The following PTPRG variants were observed in gnomAD, a reference collection of about 807,000 sequenced individuals.
PTPRG encodes the protein protein tyrosine phosphatase receptor type G, also known as receptor-type tyrosine-protein phosphatase gamma.
In PTPRG, 102 loss-of-function variants were observed where a neutral mutation model predicts 165.3. The observed-to-expected ratio is 0.62, with a 90% confidence interval of 0.53 to 0.73. The LOEUF (loss-of-function observed/expected upper bound fraction) is 0.73. Ranked by LOEUF, PTPRG falls within the 30% of genes least tolerant of loss-of-function variation. The pLI, the probability that PTPRG is intolerant of heterozygous loss-of-function variation, is 0.00. For missense variants in PTPRG, 1,866 were observed against 1,861.4 expected (o/e 1.00, Z -0.05); for synonymous variants, 675 against 669.5 (o/e 1.01, Z -0.13).
rs1348865145 is a variant in PTPRG at position 62,190,772 on chromosome 3, G to A, written c.1034-697G>A. On this transcript the variant is annotated intron_variant, in intron 8 of 29. Coordinates refer to ENST00000474889, the MANE Select transcript of PTPRG (RefSeq NM_002841.4). This position sits in a 1 kb window ranked among gnomAD's most constrained non-coding sequence, Gnocchi z 5.2. ...GCACACTCCACCAGTCCAACGGCCT[G>A]GCTTCTTCAAAACGTCCATCATGAA... 6.6e-6 allele frequency among the ~76,000 whole-genome samples: 1 copy of A among 152,188 alleles called. No homozygotes were observed. The highest frequency in any genetic ancestry group is 1.5e-5 in the Non-Finnish European group (1 of 68,046).
chr3:61,853,291 A>G (rs2037016532), intron 2 of PTPRG, among the ~76,000 whole-genome samples: 1 of 152,174 alleles, frequency 6.6e-6, no homozygotes, highest in Non-Finnish European at 1.5e-5. Context: ...AGTCTTGTTA[A>G]ACAAAGAGAG....
intron 4 of PTPRG, among the ~76,000 whole-genome samples, chr3:62,019,678 G>A (rs1293191556): frequency 2.0e-5 from 3 of 152,058 alleles, no homozygotes; most frequent in Non-Finnish European, 2.9e-5. Context: ...TGGTAAGTAC[G>A]GGAGGTGATG....
intron 2 of PTPRG, among the ~76,000 whole-genome samples, chr3:61,973,647 C>T (rs1034280216): frequency 2.6e-5 from 4 of 151,944 alleles, no homozygotes; most frequent in African/African-American, 7.3e-5. Flanking sequence ...GCCTGGCCAA[C>T]GTGGTGAAAC....
chr3:61,802,626 A>G (rs2035283669), intron 2 of PTPRG, among the ~76,000 whole-genome samples: 2 of 152,184 alleles, frequency 1.3e-5, no homozygotes, highest in Non-Finnish European at 2.9e-5. Flanking sequence ...AATTATGTCC[A>G]TTCTTTCATT....
chr3:61,678,092 T>A (rs889409619), intron 1 of PTPRG, among the ~76,000 whole-genome samples: 16 of 152,138 alleles, frequency 1.1e-4, no homozygotes, highest in African/African-American at 3.6e-4. Flanking sequence ...GTGCCGTGAA[T>A]GAGGGGCTGT....
chr3:61,785,469 A>G (rs1329179809), intron 2 of PTPRG, among the ~76,000 whole-genome samples: 1 of 152,198 alleles, frequency 6.6e-6, no homozygotes, highest in Non-Finnish European at 1.5e-5. Flanking sequence ...AGGCTAATTA[A>G]AGACCTTCCC....
chr3:61,574,060 T>G (rs1700124017), intron 1 of PTPRG, among the ~76,000 whole-genome samples: 1 of 152,128 alleles, frequency 6.6e-6, no homozygotes, highest in South Asian at 2.1e-4. Flanking sequence ...GTGGAATAAT[T>G]TAAGCTAAAT....
chr3:61,759,409 C>G (rs2033754650), intron 2 of PTPRG, among the ~76,000 whole-genome samples: 1 of 152,120 alleles, frequency 6.6e-6, no homozygotes. Flanking sequence ...AATCTCAACA[C>G]TTTGGAAGGC....
chr3:61,677,218 G>A (rs1426285588), intron 1 of PTPRG, among the ~76,000 whole-genome samples: 2 of 147,722 alleles, frequency 1.4e-5, no homozygotes, highest in African/African-American at 2.5e-5. Flanking sequence ...GCACTCCAGC[G>A]TGGGTGACAG....
At chr3:61,897,363 T>G (rs1382513318) in intron 2 of PTPRG, among the ~76,000 whole-genome samples, 1 of 152,146 alleles carries the variant, frequency 6.6e-6, no homozygotes, top group Non-Finnish European at 1.5e-5. Context: ...ATTCTTCCAT[T>G]AATTTTATAT....
At chr3:62,008,435 AG>A (rs887414589) in intron 4 of PTPRG, among the ~76,000 whole-genome samples, 1 of 152,236 alleles carries the variant, frequency 6.6e-6, no homozygotes, top group African/African-American at 2.4e-5. Flanking sequence ...TTCTGGTAAA[AG>A]TCACAGCTGG....
At chr3:61,580,214 G>C (rs1433090841) in intron 1 of PTPRG, among the ~76,000 whole-genome samples, 6 of 152,232 alleles carry the variant, frequency 3.9e-5, no homozygotes, top group Non-Finnish European at 1.5e-5. Context: ...GGCTGAGGCA[G>C]GAGGATTGTC....
At chr3:61,571,287 A>C (rs1351643762) in intron 1 of PTPRG, among the ~76,000 whole-genome samples, 2 of 152,152 alleles carry the variant, frequency 1.3e-5, no homozygotes, top group Non-Finnish European at 2.9e-5. Context: ...GGTGACTGTA[A>C]TATGTTTCTC....
intron 2 of PTPRG, among the ~76,000 whole-genome samples, chr3:61,812,387 T>G (rs1486861180): frequency 6.6e-6 from 1 of 152,210 alleles, no homozygotes; most frequent in African/African-American, 2.4e-5. Context: ...ATTTTTCTTT[T>G]GTATGTAATA....
At chr3:62,059,639 A>C (rs950948776) in intron 4 of PTPRG, among the ~76,000 whole-genome samples, 1 of 152,148 alleles carries the variant, frequency 6.6e-6, no homozygotes, top group East Asian at 1.9e-4. Context: ...GGAGTTCAAG[A>C]CCGGCCTGAG....
chr3:62,162,499 G>T (rs191072049), intron 7 of PTPRG, among the ~76,000 whole-genome samples: 550 of 152,330 alleles, frequency 3.6e-3, no homozygotes, highest in Non-Finnish European at 4.9e-3. Context: ...TTACCCTGCT[G>T]TGGCAAAGGA....
intron 4 of PTPRG, among the ~76,000 whole-genome samples, chr3:62,076,100 A>G (rs1245385740): frequency 6.6e-6 from 1 of 152,078 alleles, no homozygotes; most frequent in Admixed American, 6.6e-5. Flanking sequence ...ACATAGTGAG[A>G]CGCTGCCTCT....
intron 1 of PTPRG, among the ~76,000 whole-genome samples, chr3:61,604,255 C>T (rs554687523): frequency 1.3e-5 from 2 of 152,118 alleles, no homozygotes; most frequent in Non-Finnish European, 2.9e-5. Flanking sequence ...ACCTGGGAGG[C>T]GGAGGTTGCA....
At position 61,948,632 on chromosome 3, in the gene PTPRG, C is replaced by G. The variant is rs185839037; in HGVS notation, c.191-40993C>G. ...GTAGTGGGAAAAGTAATCTAGGGAA[C>G]AGGAGATTCTATTAGAGAAAAGGAA... On this transcript the variant is annotated intron_variant, in intron 2 of 29. Transcript: ENST00000474889. Among the ~76,000 whole-genome samples, 130 of 152,090 alleles carry G rather than the reference C, an allele frequency of 8.5e-4. 3 individuals are homozygous for G. The highest frequency in any genetic ancestry group is 3.4e-4 in the Non-Finnish European group (23 of 68,006).
Sources: gnomAD v4.1 joint callset for allele counts (sites outside exome capture counted in the v4.1 genomes callset) on GRCh38, gnomAD v4.1.1 for gene constraint, Gnocchi (gnomAD v3.1) non-coding constraint, MANE v1.5 for transcripts, NCBI Gene and HGNC (gene_info 2026-07-23, HGNC 2026-07-21) for gene names.